Variants in PAWR observed in about 807,000 individuals in gnomAD.
PAWR encodes the protein pro-apoptotic WT1 regulator.
Under a neutral mutation model 32.0 loss-of-function variants are expected in PAWR, and 23 were observed. The observed-to-expected ratio is 0.72, with a 90% CI of 0.52 to 1.02. PAWR has a LOEUF of 1.02. PAWR is among the 50% of genes least tolerant of loss of function. The probability of loss-of-function intolerance (pLI) is 0.00; values close to 1 mark genes in which losing one functional copy is unlikely to be tolerated. For missense variants in PAWR, 457 were observed against 437.7 expected (o/e 1.04, Z -0.39); for synonymous variants, 226 against 187.1 (o/e 1.21, Z -1.70).
chr12:79,641,894 G>A (rs1386731415), intron 2 of PAWR, among the ~76,000 whole-genome samples: 2 of 105,294 alleles, frequency 1.9e-5, no homozygotes, highest in African/African-American at 6.1e-5. Context: ...ATTTACTACA[G>A]AAAGCTACAT....
intron 2 of PAWR, among the ~76,000 whole-genome samples, chr12:79,632,346 T>TATATATATACATATATATACAAA (rs1875729965): frequency 1.5e-5 from 1 of 66,800 alleles, no homozygotes; most frequent in Non-Finnish European, 2.3e-5. Context: ...TATATATATA[T>TATATATATACATATATATACAAA]ATATATATAT....
chr12:79,651,199 C>A (rs1876828016), intron 2 of PAWR, among the ~76,000 whole-genome samples: 1 of 151,998 alleles, frequency 6.6e-6, no homozygotes. Flanking sequence ...TAAAATAAAG[C>A]AAAAGGTTAC....
chr12:79,594,782 C>G (rs891648353), intron 5 of PAWR, among the ~76,000 whole-genome samples: 1 of 151,992 alleles, frequency 6.6e-6, no homozygotes, highest in Non-Finnish European at 1.5e-5. Context: ...TGCAATGGCA[C>G]CTTGGCTCAC....
At position 79,611,370 on chromosome 12, in the gene PAWR, AG is replaced by A. The variant is rs1397135998; in HGVS notation, c.683+2204del. 7.3e-5 allele frequency among the ~76,000 whole-genome samples: 11 copies of A among 150,046 alleles called. No individual in the cohort carries two copies. The Admixed American group carries it at 7.3e-4, about 10-fold the overall frequency. ...ATATATATATAAAAAATAAGTTATTAGGTTTACTGAAAATATTTTCTTACAT... is the reference window on the plus strand; with the variant it reads ...ATATATATATAAAAAATAAGTTATTAGTTTACTGAAAATATTTTCTTACAT... On this transcript the variant is annotated intron_variant, in intron 4 of 6. Coordinates refer to ENST00000328827, the MANE Select transcript of PAWR (RefSeq NM_002583.4).
At chr12:79,662,404 G>C (rs1272894543) in intron 2 of PAWR, among the ~76,000 whole-genome samples, 1 of 152,184 alleles carries the variant, frequency 6.6e-6, no homozygotes, top group East Asian at 1.9e-4. Flanking sequence ...AAAGAAGTTA[G>C]GTAACTGCTC....
intron 2 of PAWR, among the ~76,000 whole-genome samples, chr12:79,630,473 T>C (rs1160826563): frequency 6.6e-6 from 1 of 152,098 alleles, no homozygotes; most frequent in Non-Finnish European, 1.5e-5. Flanking sequence ...CTAATTTTTG[T>C]ATTTTTAGTA....
intron 2 of PAWR, among the ~76,000 whole-genome samples, chr12:79,676,726 T>G (rs763585536): frequency 6.6e-6 from 1 of 151,818 alleles, no homozygotes; most frequent in Non-Finnish European, 1.5e-5. Flanking sequence ...TCCCTCAGTT[T>G]CACTTACTAT....
intron 4 of PAWR, among the ~76,000 whole-genome samples, chr12:79,607,965 C>G (rs1874260455): frequency 6.6e-6 from 1 of 151,448 alleles, no homozygotes; most frequent in South Asian, 2.1e-4. Context: ...AGGAGAATCA[C>G]TTGAACCTGG....
intron 1 of PAWR, 72 bp from the exon 2 acceptor site, chr12:79,690,463 G>C (rs965711622): frequency 2.0e-6 from 2 of 998,628 alleles, no homozygotes; most frequent in East Asian, 3.4e-5. Flanking sequence ...GTCTGCCCCC[G>C]GGCTGCGCCC....
chr12:79,644,320 C>T (rs1047753639), intron 2 of PAWR, among the ~76,000 whole-genome samples: 2 of 152,082 alleles, frequency 1.3e-5, no homozygotes, highest in Admixed American at 6.5e-5. Context: ...TCTTGTGCAG[C>T]GTCTTTTAAA....
chr12:79,687,150 C>T (rs1367421645), intron 2 of PAWR, among the ~76,000 whole-genome samples: 1 of 152,152 alleles, frequency 6.6e-6, no homozygotes, highest in Admixed American at 6.5e-5. Context: ...AATTTTATCT[C>T]ATTAAAGAAG....
intron 2 of PAWR, among the ~76,000 whole-genome samples, chr12:79,639,986 C>T (rs143524811): frequency 2.1e-4 from 32 of 150,534 alleles, no homozygotes; most frequent in African/African-American, 7.0e-4. Flanking sequence ...CTAAGCGCAA[C>T]CACCACCTCC....
intron 2 of PAWR, among the ~76,000 whole-genome samples, chr12:79,634,828 T>C (rs965014866): frequency 6.6e-6 from 1 of 152,126 alleles, no homozygotes; most frequent in Non-Finnish European, 1.5e-5. Flanking sequence ...ATGACAGTTA[T>C]ATAAGGATTC....
intron 2 of PAWR, among the ~76,000 whole-genome samples, chr12:79,688,976 T>A (rs535165708): frequency 1.8e-4 from 27 of 152,252 alleles, no homozygotes; most frequent in African/African-American, 6.5e-4. Flanking sequence ...TGGAAGATGC[T>A]GCTACCTGTA....
intron 2 of PAWR, among the ~76,000 whole-genome samples, chr12:79,647,027 T>A (rs1029270956): frequency 7.3e-5 from 11 of 151,712 alleles, no homozygotes; most frequent in Non-Finnish European, 1.0e-4. Flanking sequence ...ATACAAAAAT[T>A]AGCTGGGTGT....
chr12:79,666,859 A>AT (rs1382406148), intron 2 of PAWR, among the ~76,000 whole-genome samples: 33 of 152,348 alleles, frequency 2.2e-4, no homozygotes, highest in African/African-American at 7.5e-4. Context: ...AGGATACTCA[A>AT]TAATTTTTAA....
At chr12:79,609,920 G>C (rs1378422712) in intron 4 of PAWR, among the ~76,000 whole-genome samples, 1 of 152,226 alleles carries the variant, frequency 6.6e-6, no homozygotes, top group Admixed American at 6.5e-5. Flanking sequence ...TGGGACTTCA[G>C]GGGTAGTGGG....
chr12:79,662,173 A>G (rs2136825493), intron 2 of PAWR, among the ~76,000 whole-genome samples: 1 of 140,974 alleles, frequency 7.1e-6, no homozygotes, highest in African/African-American at 2.9e-5. Flanking sequence ...GTTCAAGGCC[A>G]GCCTGGGCAA....
chr12:79,650,241 G>T (rs1444075277), intron 2 of PAWR, among the ~76,000 whole-genome samples: 1 of 152,200 alleles, frequency 6.6e-6, no homozygotes, highest in Non-Finnish European at 1.5e-5. Context: ...TATATTTAAA[G>T]CATTTCATTT....
Sources: gnomAD v4.1 joint callset for allele counts (sites outside exome capture counted in the v4.1 genomes callset) on GRCh38, gnomAD v4.1.1 for gene constraint, MANE v1.5 for transcripts, NCBI Gene and HGNC (gene_info 2026-07-23, HGNC 2026-07-21) for gene names.